The following CDK10 variants were observed in gnomAD, a reference collection of about 807,000 sequenced individuals.
CDK10 encodes the protein cyclin dependent kinase 10.
In CDK10, 55 loss-of-function variants were observed where a neutral mutation model predicts 51.0. The observed-to-expected ratio is 1.08, with a 90% CI of 0.87 to 1.35. The LOEUF (loss-of-function observed/expected upper bound fraction) is 1.35, where lower values mean the gene tolerates loss of function less well. Among genes scored for constraint, CDK10 ranks in the 40% most tolerant of loss-of-function variants. The pLI is 0.00. For synonymous variants in CDK10, 255 were observed against 199.1 expected, an observed-to-expected ratio of 1.28 and a Z score of -2.36; for missense variants, 589 against 485.1, an observed-to-expected ratio of 1.21 and a Z score of -2.01.
In CDK10 at chr16:89,695,521, C is replaced by G. The variant is rs899817818; in HGVS notation, c.986-74C>G. On this transcript the variant is annotated intron_variant, in intron 12 of 12. Transcript: ENST00000353379. Reference sequence around the variant, plus strand: ...CCCAGGGCCAGGTCCAGAGGCAGAGCTGGACTCAGACCTGGGCCTGCTCCT... The same window carrying G: ...CCCAGGGCCAGGTCCAGAGGCAGAGGTGGACTCAGACCTGGGCCTGCTCCT... 8 of 1,534,544 alleles carry G rather than the reference C, an allele frequency of 5.2e-6. No homozygotes were observed. In the South Asian group the frequency reaches 5.8e-5, roughly 11 times the overall value.
At chr16:89,688,882 C>A (rs1206846063) in intron 1 of CDK10, among the ~76,000 whole-genome samples, 1 of 152,170 alleles carries the variant, frequency 6.6e-6, no homozygotes, top group Non-Finnish European at 1.5e-5. Context: ...GGGCAGATCA[C>A]TTGAGGTCAG....
At chr16:89,690,728 G>T (rs1162112440) in intron 3 of CDK10, 104 bp downstream of exon 3, 4 of 1,012,126 alleles carry the variant, frequency 4.0e-6, no homozygotes, top group South Asian at 1.3e-5. Flanking sequence ...TTGTAGCGGG[G>T]GCCGGCCTCT....
chr16:89,696,349 A>G lies in CDK10; in HGVS notation c.*657A>G, dbSNP rs2060719115. ...GCTCTTGTTGGATAAAAGCTTTTTT[A>G]ACAGACATGGTTTCACCAGCGTTTA... On this transcript the variant is annotated 3_prime_UTR_variant, in exon 13 of 13. Coordinates refer to ENST00000353379, the MANE Select transcript of CDK10 (RefSeq NM_052988.5). The G allele has an allele frequency of 5.0e-6, 1 of 198,448 alleles. No homozygotes were observed. The highest frequency in any genetic ancestry group is 2.3e-5 in the African/African-American group (1 of 42,914). 12.3% of individuals were successfully genotyped at this position (198,448 alleles called of 1,614,324 possible).
chr16:89,689,170 C>A (rs892413866), intron 1 of CDK10, 82 bp from the exon 2 acceptor site: 1 of 1,329,968 alleles, frequency 7.5e-7, no homozygotes, highest in Non-Finnish European at 1.1e-6. Flanking sequence ...AGTGGGCTCC[C>A]TGGTACAAAT....
At position 89,695,358 on chromosome 16, in the gene CDK10, G is replaced by C; in HGVS notation, c.985+13G>C. 1 of 1,610,896 alleles carries C rather than the reference G, an allele frequency of 6.2e-7. No individual in the cohort carries two copies. Among genetic ancestry groups the C allele is most frequent in the Non-Finnish European group, 8.5e-7 (1 of 1,177,746 alleles). On this transcript the variant is annotated intron_variant, in intron 12 of 12. Transcript: ENST00000353379. The stretch of plus-strand genomic sequence containing the variant: ...GAGAAGCCCCTACGTGAGTGTGCAG[G>C]GTTCCTGACTCGCTCTGTGGGGTAT...
rs757134673 is a variant in CDK10, at chr16:89,695,283, C to T, written c.933-10C>T. The T allele has an allele frequency of 1.2e-6, 2 of 1,607,572 alleles. No homozygotes were observed. Among genetic ancestry groups the T allele is most frequent in the South Asian group, 1.1e-5 (1 of 90,786 alleles). ...TCACAAGTCGCACTAACGCAGGCTG[C>T]CTCCTCCAGGGCGACGGCCGGGGAC... On this transcript the variant is annotated splice_polypyrimidine_tract_variant and intron_variant, in intron 11 of 12. Coordinates refer to ENST00000353379, the MANE Select transcript of CDK10 (RefSeq NM_052988.5).
chr16:89,694,482 G>A lies in CDK10; in HGVS notation c.669-183G>A, dbSNP rs1279814997. On this transcript the variant is annotated intron_variant, in intron 9 of 12. Coordinates refer to ENST00000353379, the MANE Select transcript of CDK10 (RefSeq NM_052988.5). ...CGCCTGCCCCTGCACTTGTCACCCC[G>A]GGAGGCCTGCGGGGCCCAGGAGGGG... The A allele has an allele frequency of 1.5e-5, 17 of 1,123,750 alleles. No homozygotes were observed. The highest frequency in any genetic ancestry group is 4.1e-5 in the Admixed American group (2 of 48,680). 69.6% of individuals were successfully genotyped at this position (1,123,750 alleles called of 1,614,324 possible).
rs892814751 is a variant in CDK10, at chr16:89,696,219, C to G, written c.*527C>G. ...GTGGGAGCCACAATTGAGGATACCC[C>G]GAGACTACCAGGAGAGCCCTGGGCT... On this transcript the variant is annotated 3_prime_UTR_variant, in exon 13 of 13. Coordinates refer to ENST00000353379, the MANE Select transcript of CDK10 (RefSeq NM_052988.5). 7.5e-6 allele frequency: 2 copies of G among 267,154 alleles called. No homozygotes were observed. The highest frequency in any genetic ancestry group is 4.9e-5 in the South Asian group (1 of 20,448). 16.5% of individuals were successfully genotyped at this position (267,154 alleles called of 1,614,324 possible).
intron 2 of CDK10, 25 bp from the exon 3 acceptor site, chr16:89,690,528 C>A: frequency 6.2e-7 from 1 of 1,608,444 alleles, no homozygotes; most frequent in Non-Finnish European, 8.5e-7. Flanking sequence ...GAGATGATGT[C>A]ATCACCAATG....
intron 9 of CDK10, 198 bp downstream of exon 9, chr16:89,694,430 TG>T: frequency 1.2e-6 from 1 of 856,090 alleles, no homozygotes; most frequent in Middle Eastern, 2.4e-4. Flanking sequence ...GTTCTCAGGC[TG>T]GGAGCACAGA....
chr16:89,691,677 C>G lies in CDK10; in HGVS notation c.336-129C>G, dbSNP rs1597853415. The stretch of plus-strand genomic sequence containing the variant: ...AGAAGAGATGACCCCACCTCACCGC[C>G]TGGCTCAGCCCATTGTCTGAGGGGG... On this transcript the variant is annotated intron_variant, in intron 4 of 12. Transcript: ENST00000353379. 6 of 1,219,662 alleles carry G rather than the reference C, an allele frequency of 4.9e-6. No homozygotes were observed. In the East Asian group the frequency reaches 1.4e-4, roughly 28 times the overall value. 75.6% of individuals were successfully genotyped at this position (1,219,662 alleles called of 1,614,324 possible). A position where few individuals can be genotyped will look rare whatever the true frequency, so the allele number is the denominator to read the frequency against.
intron 8 of CDK10, 45 bp from the exon 9 acceptor site, chr16:89,694,128 G>C (rs2060582645): frequency 1.9e-6 from 3 of 1,598,482 alleles, no homozygotes; most frequent in East Asian, 2.2e-5. Flanking sequence ...GCCTGGGCTG[G>C]GGGAGAGGAG....
chr16:89,687,234 C>G, intron 1 of CDK10: 1 of 331,140 alleles, frequency 3.0e-6, no homozygotes, highest in Non-Finnish European at 6.1e-6. Context: ...CGCTGCCTGG[C>G]GGCTTCACGC....
intron 2 of CDK10, chr16:89,689,650 C>G (rs2060354705): frequency 3.4e-6 from 1 of 294,892 alleles, no homozygotes; most frequent in South Asian, 4.1e-5. Flanking sequence ...ATCACCTCAG[C>G]AACTCTGGAG....
At chr16:89,691,696 G>C (rs1420790158) in intron 4 of CDK10, 110 bp from the exon 5 acceptor site, 4 of 1,287,368 alleles carry the variant, frequency 3.1e-6, no homozygotes, top group Non-Finnish European at 4.5e-6. Flanking sequence ...CCCATTGTCT[G>C]AGGGGGACAC....
At position 89,692,478 on chromosome 16, in the gene CDK10, G is replaced by A; in HGVS notation, c.447G>A (p.Arg149=). The change falls in exon 6 of 13, where the codon CGG becomes CGA. Residue 149 remains arginine, a synonymous_variant. Coordinates refer to ENST00000353379, the MANE Select transcript of CDK10 (RefSeq NM_052988.5). ...AGTGCATCGTGCTGCAGGTGCTCCGGGGCCTCCAGTATCTGCACAGGAACT... is the reference window on the plus strand; with the variant it reads ...AGTGCATCGTGCTGCAGGTGCTCCGAGGCCTCCAGTATCTGCACAGGAACT... The part of the protein sequence containing the change: ...QVKCIVLQVL[R]GLQYLHRNFI... The A allele has an allele frequency of 1.3e-6, 2 of 1,597,594 alleles. No homozygotes were observed. Among genetic ancestry groups the A allele is most frequent in the South Asian group, 2.2e-5 (2 of 89,384 alleles).
At chr16:89,692,648 T>G in intron 6 of CDK10, 132 bp downstream of exon 6, 1 of 570,310 alleles carries the variant, frequency 1.8e-6, no homozygotes, top group Non-Finnish European at 3.0e-6. Context: ...TCCATTTGTG[T>G]TTTTTTCTAA....
intron 9 of CDK10, 145 bp from the exon 10 acceptor site, chr16:89,694,520 C>A: frequency 7.0e-7 from 1 of 1,437,186 alleles, no homozygotes; most frequent in Non-Finnish European, 9.4e-7. Flanking sequence ...CCAGTGGTCC[C>A]TGCCTGTCCT....
rs1422875887 is a variant in CDK10, at chr16:89,696,196, G to A, written c.*504G>A. On this transcript the variant is annotated 3_prime_UTR_variant, in exon 13 of 13. Coordinates refer to ENST00000353379, the MANE Select transcript of CDK10 (RefSeq NM_052988.5). ...GGACAAGAGGGACAAGGTATGGGGT[G>A]GGAGCCACAATTGAGGATACCCCGA... 2.3e-5 allele frequency: 7 copies of A among 307,732 alleles called. No homozygotes were observed. Among genetic ancestry groups the A allele is most frequent in the East Asian group, 1.5e-4 (2 of 13,182 alleles). 19.1% of individuals were successfully genotyped at this position (307,732 alleles called of 1,614,324 possible).
Sources: gnomAD v4.1 joint callset for allele counts (sites outside exome capture counted in the v4.1 genomes callset) on GRCh38, gnomAD v4.1.1 for gene constraint, MANE v1.5 for transcripts, NCBI Gene and HGNC (gene_info 2026-07-23, HGNC 2026-07-21) for gene names.